The following LRRC1 variants were observed in gnomAD, a reference collection of about 807,000 sequenced individuals.
LRRC1 encodes leucine-rich repeat-containing protein 1.
A neutral mutation model predicts 69.9 loss-of-function variants in LRRC1; 28 were observed. The ratio of observed to expected loss-of-function variants is 0.40; its 90% CI spans 0.30 to 0.55. The LOEUF (loss-of-function observed/expected upper bound fraction) is 0.55, where lower values mean the gene tolerates loss of function less well. Among genes scored for constraint, LRRC1 ranks in the 20% least tolerant of loss-of-function variants. LRRC1 has a pLI of 0.47. For synonymous variants in LRRC1, 236 were observed against 240.2 expected (o/e 0.98, Z 0.16); for missense variants, 498 against 609.0 (o/e 0.82, Z 1.92).
intron 3 of LRRC1, among the ~76,000 whole-genome samples, chr6:53,881,211 T>A (rs1767279934): frequency 6.6e-6 from 1 of 152,210 alleles, no homozygotes; most frequent in Non-Finnish European, 1.5e-5. Context: ...TTAGTTTGGC[T>A]TGCTTATTTT....
chr6:53,915,981 A>C (rs1768553074), intron 11 of LRRC1, among the ~76,000 whole-genome samples: 1 of 151,616 alleles, frequency 6.6e-6, no homozygotes, highest in Admixed American at 6.6e-5. Context: ...AAGTATATGA[A>C]AATAACACAT....
At chr6:53,921,450 C>G (rs1049148857) in intron 13 of LRRC1, among the ~76,000 whole-genome samples, 7 of 152,220 alleles carry the variant, frequency 4.6e-5, no homozygotes, top group African/African-American at 1.7e-4. Flanking sequence ...TGCCAGACCT[C>G]TGTGCCTTCT....
chr6:53,883,381 C>T (rs1767364785), intron 4 of LRRC1, among the ~76,000 whole-genome samples: 1 of 151,986 alleles, frequency 6.6e-6, no homozygotes. Flanking sequence ...AGTATGTGCC[C>T]CTAAAGAACA....
At chr6:53,847,220 C>T (rs9367543) in intron 2 of LRRC1, among the ~76,000 whole-genome samples, 8 of 152,026 alleles carry the variant, frequency 5.3e-5, no homozygotes, top group South Asian at 4.1e-4. Context: ...TTTTGTATCT[C>T]GTGGTGATAA....
Position 53,913,274 on chromosome 6 carries a change from A to G in LRRC1, c.991-580A>G, listed in dbSNP as rs1289263963. Among the ~76,000 whole-genome samples the G allele has an allele frequency of 2.0e-5, 3 of 152,168 alleles. No individual in the cohort carries two copies. In the East Asian group the frequency reaches 5.8e-4, roughly 29 times the overall value. ...TCAAAAAAAGTGGATTTACCACATT[A>G]ATTTGTGAATGACCAAAAGCTATTA... is the stretch of plus-strand genomic sequence containing the variant. On this transcript the variant is annotated intron_variant, in intron 10 of 13. Transcript: ENST00000370888.
chr6:53,898,461 T>C (rs1581908793), intron 7 of LRRC1, among the ~76,000 whole-genome samples: 1 of 152,174 alleles, frequency 6.6e-6, no homozygotes, highest in East Asian at 1.9e-4. Flanking sequence ...GAAAGAGGTG[T>C]GTATGTTCAG....
intron 4 of LRRC1, among the ~76,000 whole-genome samples, chr6:53,886,784 A>C (rs1313359084): frequency 6.6e-6 from 1 of 152,204 alleles, no homozygotes; most frequent in East Asian, 1.9e-4. Flanking sequence ...GACAGGTGAA[A>C]TAGATCCCAG....
chr6:53,850,733 TCAGTTTA>T (rs1766100558), intron 2 of LRRC1, among the ~76,000 whole-genome samples: 1 of 152,226 alleles, frequency 6.6e-6, no homozygotes, highest in Non-Finnish European at 1.5e-5. Context: ...TTATTGCTGT[TCAGTTTA>T]CAGTTTAGAG....
At chr6:53,872,217 G>A (rs1363101621) in intron 2 of LRRC1, among the ~76,000 whole-genome samples, 1 of 152,070 alleles carries the variant, frequency 6.6e-6, no homozygotes, top group Non-Finnish European at 1.5e-5. Context: ...CACCTTTGTT[G>A]AAAATCAGTT....
At chr6:53,829,117 G>C (rs1001183498) in intron 1 of LRRC1, among the ~76,000 whole-genome samples, 2 of 152,132 alleles carry the variant, frequency 1.3e-5, no homozygotes, top group African/African-American at 4.8e-5. Flanking sequence ...ATGGAGCTTG[G>C]GCTCCACAGT....
intron 2 of LRRC1, 70 bp from the exon 3 acceptor site, chr6:53,878,923 A>C: frequency 1.2e-6 from 1 of 840,210 alleles, no homozygotes. Context: ...TGTGAGTGTG[A>C]TCCATCTTGA....
Position 53,882,941 on chromosome 6 carries a change from C to T in LRRC1, c.411C>T (p.Asp137=), listed in dbSNP as rs1373988937. The part of the protein sequence containing the change: ...LQNLTCLSVN[D]ISLQSLPENI... ...ATTTAACATGTCTTTCTGTAAATGA[C>T]ATCTCACTACAGTCTCTACCTGAAA... The change falls in exon 4 of 14, where the codon GAC becomes GAT. Residue 137 remains aspartate (D), a synonymous_variant. Coordinates refer to ENST00000370888, the MANE Select transcript of LRRC1 (RefSeq NM_018214.5). The T allele has an allele frequency of 2.5e-6, 4 of 1,609,924 alleles. No homozygotes were observed. In the Admixed American group the frequency reaches 6.8e-5, roughly 27 times the overall value.
At chr6:53,839,732 T>A (rs1581865100) in intron 1 of LRRC1, among the ~76,000 whole-genome samples, 2 of 152,198 alleles carry the variant, frequency 1.3e-5, no homozygotes, top group South Asian at 4.1e-4. Flanking sequence ...GATATTATAA[T>A]GTTATGACTG....
intron 1 of LRRC1, among the ~76,000 whole-genome samples, chr6:53,796,647 C>G (rs939426427): frequency 1.2e-4 from 19 of 152,100 alleles, no homozygotes; most frequent in African/African-American, 4.3e-4. Context: ...TGGTGGTGTT[C>G]TTCTTGGATT....
chr6:53,845,538 T>G (rs1562040916), intron 2 of LRRC1, among the ~76,000 whole-genome samples: 1 of 152,140 alleles, frequency 6.6e-6, no homozygotes, highest in Non-Finnish European at 1.5e-5. Flanking sequence ...GGTGCCTACT[T>G]TCTGATCAGA....
chr6:53,812,644 C>T lies in LRRC1; in HGVS notation c.159+17229C>T, dbSNP rs555343878. On this transcript the variant is annotated intron_variant, in intron 1 of 13. Coordinates refer to ENST00000370888, the MANE Select transcript of LRRC1 (RefSeq NM_018214.5). ...GGCGGAGCTTGCAGTGAGCCGAGAT[C>T]GCGCCACTGCACTCCAGCCTGGGCA... is the stretch of plus-strand genomic sequence containing the variant. Among the ~76,000 whole-genome samples, 44 of 133,344 alleles carry T rather than the reference C, an allele frequency of 3.3e-4. No individual in the cohort carries two copies. In the South Asian group the frequency reaches 7.7e-3, roughly 23 times the overall value. 87.5% of individuals were successfully genotyped at this position (133,344 alleles called of 152,430 possible). A position where few individuals can be genotyped will look rare whatever the true frequency, so the allele number is the denominator to read the frequency against.
chr6:53,850,750 G>A (rs1766100928), intron 2 of LRRC1, among the ~76,000 whole-genome samples: 2 of 152,220 alleles, frequency 1.3e-5, no homozygotes, highest in African/African-American at 4.8e-5. Context: ...ACAGTTTAGA[G>A]TGTGTGTGCT....
chr6:53,865,025 A>C (rs890799540), intron 2 of LRRC1, among the ~76,000 whole-genome samples: 2 of 152,150 alleles, frequency 1.3e-5, no homozygotes, highest in Non-Finnish European at 2.9e-5. Context: ...CATGGCAGCC[A>C]GCTGGAGCAC....
chr6:53,875,319 A>T (rs903512871), intron 2 of LRRC1, among the ~76,000 whole-genome samples: 39 of 152,216 alleles, frequency 2.6e-4, no homozygotes, highest in Admixed American at 2.6e-4. Context: ...CTTTTCTGCC[A>T]TTAAGAACAG....
Sources: allele counts gnomAD v4.1 joint callset (sites outside exome capture counted in the v4.1 genomes callset), GRCh38; gene constraint gnomAD v4.1.1; transcripts MANE v1.5; gene names NCBI Gene and HGNC (gene_info 2026-07-23, HGNC 2026-07-21).